The following FARP1 variants were observed in gnomAD, a reference collection of about 807,000 sequenced individuals.
FARP1 encodes the protein FERM, ARH/RhoGEF and pleckstrin domain protein 1.
FARP1 carries 52 observed loss-of-function variants against 128.8 expected under a neutral mutation model. The ratio of observed to expected loss-of-function variants is 0.40; its 90% CI spans 0.32 to 0.51. The LOEUF (loss-of-function observed/expected upper bound fraction) is 0.51, where lower values mean the gene tolerates loss of function less well. FARP1 is among the 20% of genes least tolerant of loss of function. The pLI, the probability that FARP1 is intolerant of heterozygous loss-of-function variation, is 0.45. For missense variants in FARP1, 1,333 were observed against 1,367.9 expected (o/e 0.97, Z 0.40); for synonymous variants, 580 against 551.8 (o/e 1.05, Z -0.72).
At chr13:98,336,143 G>T (rs1566892395) in intron 2 of FARP1, among the ~76,000 whole-genome samples, 1 of 152,122 alleles carries the variant, frequency 6.6e-6, no homozygotes, top group Non-Finnish European at 1.5e-5. Context: ...AGAAGGAATG[G>T]TGTCTTTATT....
At chr13:98,399,276 G>C (rs1032840490) in intron 13 of FARP1, 9 of 152,156 alleles carry the variant, frequency 5.9e-5, no homozygotes, top group Non-Finnish European at 1.3e-4. Context: ...TTGGCCAAAG[G>C]GTCCGTTTAT....
At chr13:98,244,902 G>C in intron 2 of FARP1, 1 of 1,402,342 alleles carries the variant, frequency 7.1e-7, no homozygotes, top group South Asian at 1.6e-5. Flanking sequence ...TCCTAAACGG[G>C]TCTCCAGGAG....
At position 98,446,803 on chromosome 13, in the gene FARP1, G is replaced by C; in HGVS notation, c.3042G>C (p.Glu1014Asp). The C allele has an allele frequency of 6.2e-7, 1 of 1,614,114 alleles. No individual in the cohort carries two copies. Among genetic ancestry groups the C allele is most frequent in the Non-Finnish European group, 8.5e-7 (1 of 1,180,002 alleles). The change falls in exon 26 of 27, where the codon GAG becomes GAC. Residue 1014 changes from glutamate (E) to aspartate (D), a missense_variant. By Grantham distance (45) the Glu-to-Asp change is conservative (BLOSUM62 2). This residue lies in a region of FARP1 where 1,009 missense variants were observed against 969.8 expected (regional missense o/e 1.04). Transcript: ENST00000319562. ...SHVYYFRAES[E>D]YTFERWMEVI... ...TCTACTACTTCAGGGCGGAAAGCGA[G>C]TACACGTTCGAAAGGTAGACACCCC...
rs1255040692 is a variant in FARP1 at position 98,214,835 on chromosome 13, A to ATC, written c.171+1423_171+1424insCT. ...TAGACTGTTGAGGAGAGCCCCTGCC[A>ATC]TGCAGTTAGAATTGGGCCTCCTGGC... On this transcript the variant is annotated intron_variant, in intron 2 of 26. Transcript: ENST00000319562. Among the ~76,000 whole-genome samples the ATC allele has an allele frequency of 8.7e-3, 1,324 of 152,314 alleles. 21 individuals carry two copies. Among genetic ancestry groups the ATC allele is most frequent in the African/African-American group, 0.03 (1,261 of 41,566 alleles).
intron 16 of FARP1, among the ~76,000 whole-genome samples, chr13:98,414,655 C>T (rs56125847): frequency 0.053 from 8,118 of 152,236 alleles, 299 homozygotes; most frequent in Non-Finnish European, 0.084. Flanking sequence ...TTCTAAACTT[C>T]CCAGGTGATT....
rs1320478114 is a variant in FARP1, at chr13:98,237,058, A to G, written c.171+23645A>G. ...TGTGGCTCATGTCTGTAATCCCAGCATTTTGGGAGGCTGAGGCAGGTGGAT... is the reference window on the plus strand; with the variant it reads ...TGTGGCTCATGTCTGTAATCCCAGCGTTTTGGGAGGCTGAGGCAGGTGGAT... On this transcript the variant is annotated intron_variant, in intron 2 of 26. Coordinates refer to ENST00000319562, the MANE Select transcript of FARP1 (RefSeq NM_005766.4). 2.0e-5 allele frequency among the ~76,000 whole-genome samples: 3 copies of G among 151,852 alleles called. No individual in the cohort carries two copies. In the East Asian group the frequency reaches 5.8e-4, roughly 29 times the overall value.
chr13:98,190,124 G>T (rs1879125793), intron 1 of FARP1, among the ~76,000 whole-genome samples: 1 of 152,062 alleles, frequency 6.6e-6, no homozygotes, highest in African/African-American at 2.4e-5. Flanking sequence ...CTCTTTTTGA[G>T]TTGATCCGCT....
intron 1 of FARP1, among the ~76,000 whole-genome samples, chr13:98,153,325 A>ATATATTT (rs1260808786): frequency 2.1e-3 from 22 of 10,700 alleles, no homozygotes; most frequent in South Asian, 0.021. Context: ...ATATATAAAT[A>ATATATTT]ATATAATATA....
chr13:98,187,973 T>C (rs1164039078), intron 1 of FARP1, among the ~76,000 whole-genome samples: 2 of 152,176 alleles, frequency 1.3e-5, no homozygotes, highest in Non-Finnish European at 2.9e-5. Flanking sequence ...ACAAAGAAAA[T>C]GAAAGTCCTG....
intron 3 of FARP1, among the ~76,000 whole-genome samples, chr13:98,359,560 C>T (rs1353561326): frequency 2.6e-5 from 4 of 152,194 alleles, no homozygotes. Context: ...CCGAGTACAG[C>T]CACAGGCCAC....
At chr13:98,231,590 G>GCCATGCCC (rs1882118516) in intron 2 of FARP1, among the ~76,000 whole-genome samples, 2 of 151,312 alleles carry the variant, frequency 1.3e-5, no homozygotes, top group Admixed American at 6.6e-5. Flanking sequence ...GGTGCCTGCC[G>GCCATGCCC]CCATGCCCGG....
intron 2 of FARP1, chr13:98,341,158 T>G (rs973776966): frequency 6.1e-5 from 9 of 147,748 alleles, no homozygotes; most frequent in African/African-American, 2.2e-4. Context: ...AAAAAAAAAG[T>G]ACTTAATGTT....
At chr13:98,204,444 T>G (rs1484073605) in intron 1 of FARP1, among the ~76,000 whole-genome samples, 1 of 152,176 alleles carries the variant, frequency 6.6e-6, no homozygotes, top group Non-Finnish European at 1.5e-5. Flanking sequence ...TCCCTGCCAG[T>G]TTTTTAGCTG....
chr13:98,319,335 C>T (rs915214288), intron 2 of FARP1, among the ~76,000 whole-genome samples: 5 of 146,886 alleles, frequency 3.4e-5, no homozygotes, highest in Admixed American at 2.0e-4. Flanking sequence ...ATAATCAGTT[C>T]GTCAGCCAGG....
intron 13 of FARP1, chr13:98,397,329 A>G (rs1890586969): frequency 1.3e-5 from 2 of 152,258 alleles, no homozygotes; most frequent in Admixed American, 1.3e-4. Flanking sequence ...AACAAACTAA[A>G]TGCCTGCCTT....
At chr13:98,374,784 G>A (rs962291218) in intron 5 of FARP1, among the ~76,000 whole-genome samples, 2 of 152,206 alleles carry the variant, frequency 1.3e-5, no homozygotes, top group East Asian at 3.8e-4. Context: ...TCAAGATTGG[G>A]CATTGACATC....
rs1470818414 is a variant in FARP1, at chr13:98,379,213, T to G, written c.496+1295T>G. 1.6e-5 allele frequency among the ~76,000 whole-genome samples: 2 copies of G among 124,522 alleles called. 1 individual carries two copies. The highest frequency in any genetic ancestry group is 3.2e-5 in the Non-Finnish European group (2 of 62,542). 81.7% of individuals were successfully genotyped at this position (124,522 alleles called of 152,430 possible). Reference sequence around the variant, plus strand: ...TAATATATAATATATATATAATATATAATATATAATCTATCTATATATAAT... The same window carrying G: ...TAATATATAATATATATATAATATAGAATATATAATCTATCTATATATAAT... On this transcript the variant is annotated intron_variant, in intron 6 of 26. Transcript: ENST00000319562.
chr13:98,362,576 C>T (rs369478836), intron 3 of FARP1, among the ~76,000 whole-genome samples: 4 of 152,310 alleles, frequency 2.6e-5, no homozygotes, highest in Admixed American at 6.5e-5. Flanking sequence ...TATTGGCCAA[C>T]GCTCATGCAT....
chr13:98,356,592 A>G (rs1029361105), intron 3 of FARP1, among the ~76,000 whole-genome samples: 21 of 151,550 alleles, frequency 1.4e-4, no homozygotes, highest in African/African-American at 4.9e-4. Flanking sequence ...AAGTGACTCC[A>G]TTATCATTAA....
Sources: gnomAD v4.1 joint callset for allele counts (sites outside exome capture counted in the v4.1 genomes callset) on GRCh38, gnomAD v4.1.1 for gene constraint, gnomAD v4.1.1 regional missense constraint, MANE v1.5 for transcripts, NCBI Gene and HGNC (gene_info 2026-07-23, HGNC 2026-07-21) for gene names.